GLT1D1: variants seen among roughly 807,000 people sequenced by gnomAD.
The protein encoded by GLT1D1 is glycosyltransferase 1 domain containing 1, also known as glycosyltransferase 1 domain-containing protein 1.
GLT1D1 carries 21 observed loss-of-function variants against 28.7 expected under a neutral mutation model. That is an observed-to-expected ratio of 0.73 (90% confidence interval 0.52 to 1.05). The LOEUF is 1.05. Among genes scored for constraint, GLT1D1 ranks in the 50% least tolerant of loss-of-function variants. GLT1D1 has a pLI of 0.00. For synonymous variants in GLT1D1, 147 were observed against 124.8 expected, an observed-to-expected ratio of 1.18 and a Z score of -1.19; for missense variants, 343 against 330.6, an observed-to-expected ratio of 1.04 and a Z score of -0.29.
chr12:128,913,357 T>C (rs1871743779), intron 4 of GLT1D1, among the ~76,000 whole-genome samples: 1 of 152,016 alleles, frequency 6.6e-6, no homozygotes, highest in Admixed American at 6.5e-5. Context: ...GTAGCTGGGA[T>C]TACAGGTGCC....
chr12:128,871,291 A>G (rs1956682004), intron 1 of GLT1D1, among the ~76,000 whole-genome samples: 1 of 152,158 alleles, frequency 6.6e-6, no homozygotes, highest in South Asian at 2.1e-4. Context: ...GCGAGCTGAT[A>G]GCTTGACTGC....
intron 4 of GLT1D1, among the ~76,000 whole-genome samples, chr12:128,909,001 G>A (rs947589785): frequency 6.6e-6 from 1 of 152,168 alleles, no homozygotes; most frequent in South Asian, 2.1e-4. Context: ...AGGTCCAAGC[G>A]TCATTCCACT....
At chr12:128,887,532 A>G (rs963644171) in intron 2 of GLT1D1, among the ~76,000 whole-genome samples, 2 of 151,580 alleles carry the variant, frequency 1.3e-5, no homozygotes, top group African/African-American at 4.9e-5. Context: ...CAGAGCTCCA[A>G]AAAAAAAGAG....
chr12:128,877,750 C>T (rs1374978127), intron 2 of GLT1D1, among the ~76,000 whole-genome samples: 1 of 152,162 alleles, frequency 6.6e-6, no homozygotes, highest in Non-Finnish European at 1.5e-5. Flanking sequence ...CAAATTACCC[C>T]CTGCCCCAAC....
chr12:128,975,153 G>A (rs1025442880), intron 7 of GLT1D1, among the ~76,000 whole-genome samples: 9 of 152,136 alleles, frequency 5.9e-5, no homozygotes, highest in Non-Finnish European at 1.0e-4. Flanking sequence ...GCATTGTCCC[G>A]GCAAAGGGTC....
rs1956120702 is a variant in GLT1D1 at position 128,853,552 on chromosome 12, C to T, written c.-30C>T. The T allele has an allele frequency of 9.5e-7, 1 of 1,055,940 alleles. No individual in the cohort carries two copies. Among genetic ancestry groups the T allele is most frequent in the Non-Finnish European group, 1.1e-6 (1 of 879,840 alleles). The allele number at this position is 1,055,940 out of a possible 1,614,324, so 65.4% of individuals were successfully genotyped here. A position where few individuals can be genotyped will look rare whatever the true frequency, so the allele number is the denominator to read the frequency against. On this transcript the variant is annotated 5_prime_UTR_variant, in exon 1 of 8. Transcript: ENST00000281703. ...CGGGGCCTGGTCGGCGGCGGCGGGG[C>T]CGGTCGATGGCCCGGGCGGCGGCGG...
At chr12:128,861,594 C>T (rs1266063977) in intron 1 of GLT1D1, among the ~76,000 whole-genome samples, 2 of 152,134 alleles carry the variant, frequency 1.3e-5, no homozygotes, top group Non-Finnish European at 2.9e-5. Context: ...TTGTCACACT[C>T]ATAGCTGGAC....
intron 1 of GLT1D1, among the ~76,000 whole-genome samples, chr12:128,864,534 G>T (rs1411557992): frequency 6.6e-6 from 1 of 152,216 alleles, no homozygotes; most frequent in Non-Finnish European, 1.5e-5. Context: ...GTAGTGGCAG[G>T]TGGAAGCCCA....
intron 2 of GLT1D1, 41 bp downstream of exon 2, chr12:128,876,103 T>A: frequency 6.4e-7 from 1 of 1,568,928 alleles, no homozygotes; most frequent in African/African-American, 1.4e-5. Context: ...CTAGAAATTC[T>A]GAAAACCGGA....
chr12:128,945,182 G>T (rs547191651), intron 4 of GLT1D1, 144 bp from the exon 9 acceptor site: 1 of 823,510 alleles, frequency 1.2e-6, no homozygotes, highest in Non-Finnish European at 2.1e-6. Context: ...ATCACCACAC[G>T]CAGCAGCCGC....
chr12:128,895,487 C>T (rs1389275062), intron 3 of GLT1D1, among the ~76,000 whole-genome samples: 12 of 148,552 alleles, frequency 8.1e-5, no homozygotes, highest in African/African-American at 2.7e-4. Flanking sequence ...GGCAGAGTCT[C>T]GCTCTGTCAC....
chr12:128,881,550 AAAAAAAAAAAAATATATAT>A (rs1260463808), intron 2 of GLT1D1, among the ~76,000 whole-genome samples: 37 of 73,512 alleles, frequency 5.0e-4, no homozygotes, highest in South Asian at 2.5e-3. Flanking sequence ...AAAAAAAAAA[AAAAAAAAAAAAATATATAT>A]ATATATATAT....
At chr12:128,872,234 G>A (rs371545625) in intron 1 of GLT1D1, among the ~76,000 whole-genome samples, 17 of 152,292 alleles carry the variant, frequency 1.1e-4, no homozygotes, top group East Asian at 1.9e-4. Context: ...GTGAGCCACC[G>A]CGCCTGGCCG....
At chr12:128,889,600 G>T (rs1057472078) in intron 3 of GLT1D1, among the ~76,000 whole-genome samples, 1 of 152,144 alleles carries the variant, frequency 6.6e-6, no homozygotes. Flanking sequence ...TCCTTCCAGC[G>T]CTGTACTTCC....
chr12:128,887,439 A>G (rs1304929591), intron 2 of GLT1D1, among the ~76,000 whole-genome samples: 2 of 150,996 alleles, frequency 1.3e-5, no homozygotes, highest in East Asian at 1.9e-4. Context: ...TTTTTGTGCA[A>G]GCATCTTTTG....
intron 7 of GLT1D1, among the ~76,000 whole-genome samples, chr12:128,969,105 GTC>G (rs1462085169): frequency 2.0e-5 from 3 of 151,224 alleles, no homozygotes; most frequent in Non-Finnish European, 4.4e-5. Flanking sequence ...CTCTGTCTGT[GTC>G]TCTCTCTGTC....
Position 128,968,111 on chromosome 12 carries a change from T to TCAG in GLT1D1, c.639+10470_639+10472dup, listed in dbSNP as rs1335323006. 9.2e-5 allele frequency among the ~76,000 whole-genome samples: 14 copies of TCAG among 152,092 alleles called. 1 individual carries two copies. The highest frequency in any genetic ancestry group is 1.9e-4 in the Non-Finnish European group (13 of 68,016). On this transcript the variant is annotated intron_variant, in intron 7 of 7. Coordinates refer to ENST00000281703, the MANE Select transcript of GLT1D1 (RefSeq NM_144669.3). Reference sequence around the variant, plus strand: ...TCCCGGTTCACATCATTCTCCTGCCTCAGCCTCCCGAGTAGCTAGGACTGC... The same window carrying TCAG: ...TCCCGGTTCACATCATTCTCCTGCCTCAGCAGCCTCCCGAGTAGCTAGGACTGC...
intron 4 of GLT1D1, among the ~76,000 whole-genome samples, chr12:128,900,436 T>C (rs537624024): frequency 2.4e-4 from 36 of 152,326 alleles, no homozygotes; most frequent in African/African-American, 7.2e-4. Context: ...CTGTGGTCTC[T>C]TCCGAAAGCT....
intron 1 of GLT1D1, among the ~76,000 whole-genome samples, chr12:128,866,556 T>C (rs965716805): frequency 2.4e-4 from 36 of 150,772 alleles, no homozygotes; most frequent in African/African-American, 8.5e-4. Flanking sequence ...TGCTGGACTT[T>C]GTTAGCTCTT....
Sources: gnomAD v4.1 joint callset for allele counts (sites outside exome capture counted in the v4.1 genomes callset) on GRCh38, gnomAD v4.1.1 for gene constraint, MANE v1.5 for transcripts, NCBI Gene and HGNC (gene_info 2026-07-23, HGNC 2026-07-21) for gene names.